KCNAB2: variants seen among roughly 807,000 people sequenced by gnomAD.
The protein encoded by KCNAB2 is potassium voltage-gated channel subfamily A regulatory beta subunit 2, also known as voltage-gated potassium channel subunit beta-2.
KCNAB2 carries 29 observed loss-of-function variants against 63.6 expected under a neutral mutation model. The ratio of observed to expected loss-of-function variants is 0.46; its 90% CI spans 0.34 to 0.62. The LOEUF (loss-of-function observed/expected upper bound fraction) is 0.62. Ranked by LOEUF, KCNAB2 falls within the 20% of genes least tolerant of loss-of-function variation. The probability of loss-of-function intolerance (pLI) is 0.01; values close to 1 mark genes in which losing one functional copy is unlikely to be tolerated. For synonymous variants in KCNAB2, 222 were observed against 224.2 expected (o/e 0.99, Z 0.09); for missense variants, 359 against 563.9 (o/e 0.64, Z 3.68).
rs760400807 is a variant in KCNAB2, at chr1:6,095,617, C to T, written c.941C>T (p.Ser314Phe). The T allele has an allele frequency of 6.2e-7, 1 of 1,613,268 alleles. No homozygotes were observed. Among genetic ancestry groups the T allele is most frequent in the Non-Finnish European group, 8.5e-7 (1 of 1,179,936 alleles). Residue 314 changes from serine (S) to phenylalanine (F), a missense_variant, in exon 13 of 16, where the codon TCC becomes TTC. Ser to Phe is a radical substitution (Grantham distance 155, BLOSUM62 -2). Coordinates refer to ENST00000378083, the MANE Select transcript of KCNAB2 (RefSeq NM_001199862.2). ...GGCATCCCACCCTACTCAAGAGCCT[C>T]CTTGAAGGTGAAGGAACAGCCTGGT... ...DSGIPPYSRA[S>F]LKGYQWLKDK...
rs746247510 is a variant in KCNAB2, at chr1:6,078,238, C to A, written c.301-3957C>A. Among the ~76,000 whole-genome samples the A allele has an allele frequency of 6.6e-6, 1 of 152,216 alleles. No individual in the cohort carries two copies. Among genetic ancestry groups the A allele is most frequent in the South Asian group, 2.1e-4 (1 of 4,830 alleles). ...CTGTCAGTCAAGTCTCCGTCTGTCT[C>A]GTCCTCATAAGGTCACCTGTGATGG... On this transcript the variant is annotated intron_variant, in intron 4 of 15. Transcript: ENST00000378083. The surrounding 1 kb of genome is among the most constrained non-coding windows in gnomAD (Gnocchi z 4.2).
chr1:6,007,488 T>G (rs1442773905), intron 1 of KCNAB2: 1 of 151,334 alleles, frequency 6.6e-6, no homozygotes, highest in East Asian at 2.0e-4. Context: ...AGCGGCTCCA[T>G]CCGTGGGGAG....
intron 1 of KCNAB2, among the ~76,000 whole-genome samples, chr1:5,995,638 C>T (rs927383424): frequency 6.6e-6 from 1 of 152,066 alleles, no homozygotes; most frequent in African/African-American, 2.4e-5. Flanking sequence ...AAGAGATGGC[C>T]CCATAGTTAG....
chr1:6,094,537 G>A, intron 11 of KCNAB2, 52 bp downstream of exon 11: 1 of 1,456,138 alleles, frequency 6.9e-7, no homozygotes, highest in Non-Finnish European at 9.4e-7. Context: ...CCCGGCACCG[G>A]CTGCGTATGG....
At chr1:6,040,715 C>A in intron 2 of KCNAB2, 1 of 946,960 alleles carries the variant, frequency 1.1e-6, no homozygotes, top group Non-Finnish European at 1.7e-6. Flanking sequence ...GTTCCCAAGG[C>A]CACTGTCCTC....
intron 5 of KCNAB2, among the ~76,000 whole-genome samples, chr1:6,082,709 CT>C (rs1169939503): frequency 6.6e-6 from 1 of 152,200 alleles, no homozygotes; most frequent in Non-Finnish European, 1.5e-5. Flanking sequence ...AACTTTCCTG[CT>C]CAATTATGTA....
intron 2 of KCNAB2, among the ~76,000 whole-genome samples, chr1:6,054,058 AG>A (rs59368502): frequency 1.4e-5 from 2 of 139,458 alleles, no homozygotes; most frequent in African/African-American, 5.3e-5. Context: ...AAAAAAAAAA[AG>A]AAGAAGAAGA....
chr1:6,047,618 C>G (rs1190117357), intron 1 of KCNAB2, among the ~76,000 whole-genome samples: 2 of 152,194 alleles, frequency 1.3e-5, no homozygotes, highest in African/African-American at 4.8e-5. Context: ...CCAGGAAATG[C>G]CCAGGTATAG....
chr1:6,085,070 G>A (rs1258091603), intron 5 of KCNAB2, 134 bp from the exon 6 acceptor site: 1 of 859,406 alleles, frequency 1.2e-6, no homozygotes, highest in East Asian at 2.5e-5. Context: ...CTGAGCCAAG[G>A]CGGGTGTTAA....
intron 1 of KCNAB2, among the ~76,000 whole-genome samples, chr1:6,005,847 C>T (rs1177952199): frequency 6.6e-6 from 1 of 151,830 alleles, no homozygotes; most frequent in Non-Finnish European, 1.5e-5. Flanking sequence ...AGGGAGGTCC[C>T]AGGGCTGGCA....
upstream of KCNAB2, among the ~76,000 whole-genome samples, chr1:6,032,296 A>G (rs1659678720): frequency 6.6e-6 from 1 of 152,160 alleles, no homozygotes. Flanking sequence ...AAGAAAGAGC[A>G]GTGGCCGGTT....
upstream of KCNAB2, among the ~76,000 whole-genome samples, chr1:6,044,692 T>C (rs1660774943): frequency 2.0e-5 from 3 of 151,960 alleles, no homozygotes; most frequent in African/African-American, 7.3e-5. Flanking sequence ...AGATCTGCTC[T>C]AGGAAGGAAG....
Position 6,051,582 on chromosome 1 carries a change from A to G in KCNAB2, c.46A>G (p.Arg16Gly), listed in dbSNP as rs564661467. 1.2e-5 allele frequency: 19 copies of G among 1,534,522 alleles called. No individual in the cohort carries two copies. The South Asian group carries it at 2.1e-4, about 17-fold the overall frequency. ...YSESLRSVSS[R>G]CHSEWALHPV... Reference sequence around the variant, plus strand: ...CGAGAGTCTGCGGAGCGTGAGCAGCAGGTGCCACTCTGAATGGGCCCTGCA... The same window carrying G: ...CGAGAGTCTGCGGAGCGTGAGCAGCGGGTGCCACTCTGAATGGGCCCTGCA... The change falls in exon 2 of 16, where the codon AGG becomes GGG. Residue 16 changes from arginine (R) to glycine (G), a missense_variant. Arg to Gly is a moderately radical substitution (Grantham distance 125). This residue lies in a region of KCNAB2 where 88 missense variants were observed against 87.8 expected (regional missense o/e 1.00). Transcript: ENST00000378083.
At chr1:6,037,666 TG>T (rs1224908125) in intron 1 of KCNAB2, among the ~76,000 whole-genome samples, 4 of 152,152 alleles carry the variant, frequency 2.6e-5, no homozygotes, top group Non-Finnish European at 5.9e-5. Context: ...ACGACTTTAG[TG>T]AGATGATTTG....
upstream of KCNAB2, chr1:6,041,402 C>T: frequency 4.6e-6 from 1 of 215,788 alleles, no homozygotes; most frequent in Non-Finnish European, 9.4e-6. Flanking sequence ...AGTGTCTGTC[C>T]TAAGAAGAGC....
chr1:6,025,242 C>G (rs931288081), intron 1 of KCNAB2, among the ~76,000 whole-genome samples: 3 of 152,114 alleles, frequency 2.0e-5, no homozygotes, highest in African/African-American at 7.2e-5. Flanking sequence ...AGCTGTGTAC[C>G]TATGCCAGGA....
chr1:6,095,755 G>A (rs1323341486), intron 13 of KCNAB2, 131 bp downstream of exon 13: 6 of 820,112 alleles, frequency 7.3e-6, no homozygotes, highest in Admixed American at 2.1e-5. Flanking sequence ...TCGGTCTGCT[G>A]GGGGCGGGCT....
chr1:5,997,493 T>C (rs970844452), intron 1 of KCNAB2, among the ~76,000 whole-genome samples: 1 of 152,134 alleles, frequency 6.6e-6, no homozygotes, highest in South Asian at 2.1e-4. Flanking sequence ...TGCCCACCTG[T>C]CTGTCTGATT....
chr1:6,096,804 C>T lies in KCNAB2; in HGVS notation c.1069+48C>T. On this transcript the variant is annotated intron_variant, in intron 14 of 15. Transcript: ENST00000378083. This position sits in a 1 kb window ranked among gnomAD's most constrained non-coding sequence, Gnocchi z 5.9. The stretch of plus-strand genomic sequence containing the variant: ...GCCAGTGCCCCTGGGGAGAACCTGC[C>T]CCAGCTGGCCGTAGGTAACAGGGTG... The T allele has an allele frequency of 6.6e-7, 1 of 1,505,088 alleles. No individual in the cohort carries two copies. Among genetic ancestry groups the T allele is most frequent in the Non-Finnish European group, 8.9e-7 (1 of 1,119,512 alleles). The allele number at this position is 1,505,088 out of a possible 1,614,324, so 93.2% of individuals were successfully genotyped here.
Sources: allele counts gnomAD v4.1 joint callset (sites outside exome capture counted in the v4.1 genomes callset), GRCh38; gene constraint gnomAD v4.1.1; regional missense constraint gnomAD v4.1.1; non-coding constraint Gnocchi (gnomAD v3.1); transcripts MANE v1.5; gene names NCBI Gene and HGNC (gene_info 2026-07-23, HGNC 2026-07-21).